ENTREP2: variants seen among roughly 807,000 people sequenced by gnomAD.
ENTREP2 encodes the protein protein ENTREP2.
At chr15:29,216,540 T>C in the ENTREP2 span, among the ~76,000 whole-genome samples, 1 of 152,192 alleles carries the variant, frequency 6.6e-6, no homozygotes, top group Admixed American at 6.5e-5. Flanking sequence ...AAATTTTCTC[T>C]ATTACTCCCC....
chr15:29,210,416 A>G, the ENTREP2 span, among the ~76,000 whole-genome samples: 1 of 152,222 alleles, frequency 6.6e-6, no homozygotes, highest in African/African-American at 2.4e-5. Flanking sequence ...TTGACCTGTT[A>G]GGAACTGGGT....
At chr15:29,474,343 C>T in the ENTREP2 span, among the ~76,000 whole-genome samples, 3 of 152,158 alleles carry the variant, frequency 2.0e-5, no homozygotes, top group Non-Finnish European at 4.4e-5. Flanking sequence ...GGCACCCCTC[C>T]TGGGTAGGGG....
chr15:29,414,813 G>A, the ENTREP2 span, among the ~76,000 whole-genome samples: 1 of 151,868 alleles, frequency 6.6e-6, no homozygotes, highest in South Asian at 2.1e-4. Flanking sequence ...ATGATAAAGG[G>A]GATATCACCA....
chr15:29,326,922 A>G, the ENTREP2 span, among the ~76,000 whole-genome samples: 2 of 152,174 alleles, frequency 1.3e-5, no homozygotes, highest in South Asian at 4.1e-4. Flanking sequence ...AATATAGTTA[A>G]CTGATCTTTG....
the ENTREP2 span, among the ~76,000 whole-genome samples, chr15:29,204,544 G>C: frequency 5.1e-3 from 780 of 152,212 alleles, 9 homozygotes; most frequent in African/African-American, 0.017. Flanking sequence ...GGCGCAGCAC[G>C]GGTGACAGAG....
chr15:29,137,519 G>C, the ENTREP2 span, among the ~76,000 whole-genome samples: 29 of 152,118 alleles, frequency 1.9e-4, no homozygotes, highest in African/African-American at 6.5e-4. Context: ...CAGACGGAAG[G>C]CTGCCTGACG....
the ENTREP2 span, among the ~76,000 whole-genome samples, chr15:29,482,922 C>T: frequency 1.3e-5 from 2 of 152,196 alleles, no homozygotes; most frequent in Non-Finnish European, 2.9e-5. Flanking sequence ...GCTCAACTGC[C>T]TTCCAAAGTG....
the ENTREP2 span, among the ~76,000 whole-genome samples, chr15:29,131,410 A>G: frequency 1.3e-5 from 2 of 151,542 alleles, no homozygotes; most frequent in Admixed American, 1.3e-4. Flanking sequence ...CTCCTAAAGC[A>G]TCACTGGGTC....
At chr15:29,470,296 C>A in the ENTREP2 span, among the ~76,000 whole-genome samples, 2 of 152,142 alleles carry the variant, frequency 1.3e-5, no homozygotes, top group African/African-American at 2.4e-5. Flanking sequence ...GCAGTGCCAG[C>A]CCACTGAGGT....
the ENTREP2 span, among the ~76,000 whole-genome samples, chr15:29,388,571 A>T: frequency 6.6e-6 from 1 of 152,214 alleles, no homozygotes; most frequent in Admixed American, 6.5e-5. Flanking sequence ...TTCCTCAGGG[A>T]TCTAGAACTA....
the ENTREP2 span, among the ~76,000 whole-genome samples, chr15:29,155,040 T>C: frequency 4.6e-5 from 7 of 151,060 alleles, no homozygotes; most frequent in Non-Finnish European, 8.8e-5. Flanking sequence ...CCCAGCACTT[T>C]GGGAGGCCAA....
At chr15:29,348,898 C>G in the ENTREP2 span, among the ~76,000 whole-genome samples, 1 of 152,178 alleles carries the variant, frequency 6.6e-6, no homozygotes, top group Non-Finnish European at 1.5e-5. Flanking sequence ...GAATTGTGGC[C>G]TAACTTCTGA....
At chr15:29,204,842 C>T in the ENTREP2 span, among the ~76,000 whole-genome samples, 1 of 152,154 alleles carries the variant, frequency 6.6e-6, no homozygotes, top group African/African-American at 2.4e-5. Context: ...ATAAAATTTA[C>T]CATCTTCACC....
chr15:29,651,732 G>A, the ENTREP2 span, among the ~76,000 whole-genome samples: 33 of 152,356 alleles, frequency 2.2e-4, no homozygotes, highest in South Asian at 6.2e-4. Context: ...GGGCAGCACC[G>A]ACACACCAGC....
the ENTREP2 span, among the ~76,000 whole-genome samples, chr15:29,401,913 A>G: frequency 1.3e-5 from 2 of 152,222 alleles, no homozygotes; most frequent in African/African-American, 4.8e-5. Flanking sequence ...ACAAGAAGGA[A>G]TGGATGAATG....
At chr15:29,532,280 T>C in the ENTREP2 span, among the ~76,000 whole-genome samples, 9 of 152,226 alleles carry the variant, frequency 5.9e-5, no homozygotes, top group African/African-American at 2.2e-4. Flanking sequence ...CTGTGTTTAC[T>C]AAAACTTTGA....
At chr15:29,251,855 A>G in the ENTREP2 span, among the ~76,000 whole-genome samples, 1 of 151,748 alleles carries the variant, frequency 6.6e-6, no homozygotes, top group African/African-American at 2.4e-5. Context: ...AAAAGATTGA[A>G]TACCTCTGTT....
At chr15:29,247,488 T>A in the ENTREP2 span, among the ~76,000 whole-genome samples, 3 of 152,156 alleles carry the variant, frequency 2.0e-5, 1 homozygote, top group South Asian at 6.2e-4. Flanking sequence ...AAAAATAGAT[T>A]ATAAAGTCAA....
At chr15:29,123,734 G>A in the ENTREP2 span, 60 of 1,397,264 alleles carry the variant, frequency 4.3e-5, no homozygotes, top group Middle Eastern at 4.3e-4. Flanking sequence ...AAGCCTGCTC[G>A]GGAGGAGCCT....
Sources: gnomAD v4.1 joint callset for allele counts (sites outside exome capture counted in the v4.1 genomes callset) on GRCh38, gnomAD v4.1.1 for gene constraint, MANE v1.5 for transcripts, NCBI Gene and HGNC (gene_info 2026-07-23, HGNC 2026-07-21) for gene names.